Variants in PPP1R1C observed in about 807,000 individuals in gnomAD.
PPP1R1C encodes protein phosphatase 1 regulatory subunit 1C.
PPP1R1C carries 15 observed loss-of-function variants against 17.4 expected under a neutral mutation model. The observed-to-expected ratio is 0.86, with a 90% CI of 0.58 to 1.33. The LOEUF is 1.33. PPP1R1C is among the 40% of genes most tolerant of loss of function. The pLI is 0.00. For missense variants in PPP1R1C, 143 were observed against 130.0 expected (o/e 1.10, Z -0.48); for synonymous variants, 35 against 43.1 (o/e 0.81, Z 0.73).
At chr2:182,123,259 A>G (rs967678279) in intron 5 of PPP1R1C, among the ~76,000 whole-genome samples, 3 of 152,182 alleles carry the variant, frequency 2.0e-5, no homozygotes, top group Non-Finnish European at 4.4e-5. Context: ...TCATTGATGG[A>G]CATTTGGGTT....
intron 2 of PPP1R1C, among the ~76,000 whole-genome samples, chr2:182,042,919 G>A (rs1687228026): frequency 6.6e-6 from 1 of 152,184 alleles, no homozygotes; most frequent in African/African-American, 2.4e-5. Flanking sequence ...AGCCTTTCTG[G>A]ATGCAGGGCA....
At chr2:182,045,167 G>A (rs1224303097) in intron 2 of PPP1R1C, among the ~76,000 whole-genome samples, 3 of 152,172 alleles carry the variant, frequency 2.0e-5, no homozygotes, top group African/African-American at 4.8e-5. Context: ...CTGAGAAACT[G>A]CATGAAGGTT....
chr2:181,999,725 A>G (rs1001634015), intron 2 of PPP1R1C, among the ~76,000 whole-genome samples: 8 of 151,872 alleles, frequency 5.3e-5, no homozygotes, highest in African/African-American at 1.9e-4. Flanking sequence ...TTTATTAGTT[A>G]AGAAGACTGC....
intron 2 of PPP1R1C, among the ~76,000 whole-genome samples, chr2:182,028,190 G>GT (rs539082343): frequency 0.078 from 10,063 of 129,576 alleles, 407 homozygotes; most frequent in Middle Eastern, 0.12. Flanking sequence ...TTTTTGAAGG[G>GT]TTTTTTGTGT....
At chr2:182,090,289 C>CTGTGTGTGTGTGTGTGTGTGTGTGTGTG (rs142618201) in intron 4 of PPP1R1C, among the ~76,000 whole-genome samples, 30 of 145,694 alleles carry the variant, frequency 2.1e-4, no homozygotes, top group African/African-American at 7.9e-4. Flanking sequence ...ACTATAAATT[C>CTGTGTGTGTGTGTGTGTGTGTGTGTGTG]TGTGTGTGTG....
chr2:182,107,264 C>A (rs538928464), intron 4 of PPP1R1C, among the ~76,000 whole-genome samples: 1 of 151,392 alleles, frequency 6.6e-6, no homozygotes, highest in Non-Finnish European at 1.5e-5. Flanking sequence ...TAAGTAGAGA[C>A]GTCAGAATTT....
intron 1 of PPP1R1C, among the ~76,000 whole-genome samples, chr2:181,964,022 AC>A (rs566327584): frequency 4.3e-4 from 66 of 152,244 alleles, no homozygotes; most frequent in Non-Finnish European, 9.6e-4. Flanking sequence ...GACTGTATTC[AC>A]CCTGTTGTGC....
chr2:182,075,222 A>G (rs1688257970), intron 4 of PPP1R1C, among the ~76,000 whole-genome samples: 1 of 152,164 alleles, frequency 6.6e-6, no homozygotes, highest in South Asian at 2.1e-4. Context: ...GTCACATTTT[A>G]TTTTCAAAAC....
intron 4 of PPP1R1C, among the ~76,000 whole-genome samples, chr2:182,097,531 TG>T (rs2125225474): frequency 6.6e-6 from 1 of 152,328 alleles, no homozygotes; most frequent in African/African-American, 2.4e-5. Flanking sequence ...AGTTTACTAC[TG>T]GGATGGGGAC....
chr2:181,994,222 A>G (rs935869180), intron 2 of PPP1R1C, among the ~76,000 whole-genome samples: 15 of 152,160 alleles, frequency 9.9e-5, no homozygotes, highest in Non-Finnish European at 2.9e-5. Context: ...TATGAAAAAC[A>G]TTATTGCAAA....
chr2:182,013,741 C>T (rs1046010511), intron 2 of PPP1R1C, among the ~76,000 whole-genome samples: 9 of 151,804 alleles, frequency 5.9e-5, no homozygotes, highest in African/African-American at 2.2e-4. Context: ...CTTTTGTCTC[C>T]CCGATTGTGT....
chr2:182,068,649 T>G (rs569883836), intron 4 of PPP1R1C, among the ~76,000 whole-genome samples: 1 of 152,202 alleles, frequency 6.6e-6, no homozygotes, highest in Non-Finnish European at 1.5e-5. Flanking sequence ...TCAGACATCA[T>G]GTCCTTTATT....
chr2:182,096,424 T>G (rs1327682659), intron 4 of PPP1R1C, among the ~76,000 whole-genome samples: 1 of 151,666 alleles, frequency 6.6e-6, no homozygotes, highest in Non-Finnish European at 1.5e-5. Context: ...TGCCATCTTT[T>G]GGGGTATTGT....
chr2:182,088,810 A>G (rs1316047932), intron 4 of PPP1R1C, among the ~76,000 whole-genome samples: 1 of 152,214 alleles, frequency 6.6e-6, no homozygotes, highest in Admixed American at 6.5e-5. Flanking sequence ...CAATTTGCTA[A>G]TAGGATTACT....
In PPP1R1C at chr2:181,962,622, C is replaced by A; in HGVS notation, n.111+7988C>A. ...GGGGCCCTTGGGCCAAGTATCAGGG[C>A]AATAAATTAAAGACTTTATTTGAAT... is the stretch of plus-strand genomic sequence containing the variant. On this transcript the variant is annotated intron_variant and non_coding_transcript_variant, in intron 1 of 5. Coordinates refer to the PPP1R1C transcript ENST00000464264. This position sits in a 1 kb window ranked among gnomAD's most constrained non-coding sequence, Gnocchi z 6.0. 2.6e-6 allele frequency: 1 copy of A among 385,444 alleles called. No homozygotes were observed. Among genetic ancestry groups the A allele is most frequent in the East Asian group, 6.2e-5 (1 of 16,154 alleles). The allele number at this position is 385,444 out of a possible 1,614,324, so 23.9% of individuals were successfully genotyped here.
chr2:182,006,316 T>C (rs942704649), intron 2 of PPP1R1C, among the ~76,000 whole-genome samples: 3 of 152,218 alleles, frequency 2.0e-5, no homozygotes, highest in African/African-American at 7.2e-5. Context: ...CTAGAACCTT[T>C]GAAGACTCTT....
At chr2:181,972,679 C>T (rs1393527810) in intron 1 of PPP1R1C, among the ~76,000 whole-genome samples, 3 of 152,054 alleles carry the variant, frequency 2.0e-5, no homozygotes, top group African/African-American at 7.2e-5. Context: ...AGTGAAAGGA[C>T]TTGGGTTATT....
intron 4 of PPP1R1C, among the ~76,000 whole-genome samples, chr2:182,082,684 G>A (rs1688515437): frequency 6.6e-6 from 1 of 152,094 alleles, no homozygotes; most frequent in African/African-American, 2.4e-5. Context: ...TTTCAAGATT[G>A]ATCTATTTTA....
chr2:182,124,327 GT>G (rs1294464668), intron 5 of PPP1R1C, among the ~76,000 whole-genome samples: 29,522 of 82,536 alleles, frequency 0.36, 3,034 homozygotes, highest in Non-Finnish European at 0.43. Context: ...TTTTTTTTTT[GT>G]TTTTTTTTTT....
Sources: allele counts gnomAD v4.1 joint callset (sites outside exome capture counted in the v4.1 genomes callset), GRCh38; gene constraint gnomAD v4.1.1; non-coding constraint Gnocchi (gnomAD v3.1); transcripts MANE v1.5; gene names NCBI Gene and HGNC (gene_info 2026-07-23, HGNC 2026-07-21).